Variants in SH3PXD2B observed in about 807,000 individuals in gnomAD.
The protein encoded by SH3PXD2B is SH3 and PX domain-containing protein 2B.
A neutral mutation model predicts 73.1 loss-of-function variants in SH3PXD2B; 37 were observed. The observed-to-expected ratio is 0.51, with a 90% confidence interval of 0.39 to 0.67. The LOEUF is 0.67. Ranked by LOEUF, SH3PXD2B falls within the 30% of genes least tolerant of loss-of-function variation. The probability of loss-of-function intolerance (pLI) is 0.00; values close to 1 mark genes in which losing one functional copy is unlikely to be tolerated. For synonymous variants in SH3PXD2B, 457 were observed against 480.5 expected, an observed-to-expected ratio of 0.95 and a Z score of 0.64; for missense variants, 1,053 against 1,197.8, an observed-to-expected ratio of 0.88 and a Z score of 1.78.
chr5:172,358,931 G>A (rs749873478), intron 7 of SH3PXD2B, 54 bp from the exon 8 acceptor site: 5 of 1,513,964 alleles, frequency 3.3e-6, no homozygotes, highest in African/African-American at 2.8e-5. Flanking sequence ...TGAGGCCGGG[G>A]GTCAGAACAT....
chr5:172,411,246 CTAACA>C (rs1758685139), intron 2 of SH3PXD2B, among the ~76,000 whole-genome samples: 1 of 152,014 alleles, frequency 6.6e-6, no homozygotes, highest in African/African-American at 2.4e-5. Flanking sequence ...TCTGTCCACC[CTAACA>C]TGACTATTTC....
chr5:172,417,916 G>A (rs79371636), intron 2 of SH3PXD2B, among the ~76,000 whole-genome samples: 90 of 152,142 alleles, frequency 5.9e-4, no homozygotes, highest in Non-Finnish European at 7.4e-4. Flanking sequence ...TCATCACCCC[G>A]AAAAGGTACC....
chr5:172,385,281 C>G (rs534798674), intron 4 of SH3PXD2B, among the ~76,000 whole-genome samples: 33 of 152,172 alleles, frequency 2.2e-4, no homozygotes, highest in Middle Eastern at 6.8e-3. Context: ...TGGCTTCCCC[C>G]CAAGACTACA....
chr5:172,362,107 G>C (rs1757416677), intron 7 of SH3PXD2B, among the ~76,000 whole-genome samples: 1 of 152,212 alleles, frequency 6.6e-6, no homozygotes, highest in Admixed American at 6.5e-5. Context: ...CTAAGCACAA[G>C]TTTAAGCACT....
intron 10 of SH3PXD2B, among the ~76,000 whole-genome samples, chr5:172,347,789 A>G (rs1411777496): frequency 6.6e-6 from 1 of 152,174 alleles, no homozygotes; most frequent in Admixed American, 6.5e-5. Flanking sequence ...ACATCTGTGA[A>G]GCTCTTGGCA....
chr5:172,330,255 C>A (rs1205772773), downstream of SH3PXD2B, among the ~76,000 whole-genome samples: 3 of 152,108 alleles, frequency 2.0e-5, no homozygotes. Flanking sequence ...TCCTTACAGA[C>A]AACTCCAAGG....
Position 172,336,556 on chromosome 5 carries a change from G to T in SH3PXD2B, c.*1813C>A. Reference sequence around the variant, plus strand: ...GATAGGGGGTGGAGCTGGGAGGCGCGGCAGAAGAGGGCTGTTCAAGCAAAA... The same window carrying T: ...GATAGGGGGTGGAGCTGGGAGGCGCTGCAGAAGAGGGCTGTTCAAGCAAAA... On this transcript the variant is annotated 3_prime_UTR_variant, in exon 13 of 13. Coordinates refer to ENST00000311601, the MANE Select transcript of SH3PXD2B (RefSeq NM_001017995.3). 3 of 986,094 alleles carry T rather than the reference G, an allele frequency of 3.0e-6. No homozygotes were observed. Among genetic ancestry groups the T allele is most frequent in the Non-Finnish European group, 3.6e-6 (3 of 830,058 alleles). 61.1% of individuals were successfully genotyped at this position (986,094 alleles called of 1,614,324 possible).
At chr5:172,435,883 G>C (rs1488789703) in intron 1 of SH3PXD2B, among the ~76,000 whole-genome samples, 1 of 152,200 alleles carries the variant, frequency 6.6e-6, no homozygotes, top group Non-Finnish European at 1.5e-5. Flanking sequence ...CCTTGCAGGG[G>C]CTGTGAGAAA....
At chr5:172,380,787 C>T (rs1303036978) in intron 5 of SH3PXD2B, among the ~76,000 whole-genome samples, 3 of 152,232 alleles carry the variant, frequency 2.0e-5, no homozygotes, top group Non-Finnish European at 4.4e-5. Flanking sequence ...TCCAAAACCA[C>T]GCACTTCTGT....
At chr5:172,368,453 T>TTATATATATATATATATATTA (rs773035950) in intron 6 of SH3PXD2B, among the ~76,000 whole-genome samples, 1 of 80,014 alleles carries the variant, frequency 1.2e-5, no homozygotes, top group Non-Finnish European at 2.3e-5. Flanking sequence ...CTAAGAATGC[T>TTATATATATATATATATATTA]TATATATATA....
chr5:172,363,260 C>T (rs1014660638), intron 6 of SH3PXD2B, among the ~76,000 whole-genome samples: 1 of 152,166 alleles, frequency 6.6e-6, no homozygotes, highest in African/African-American at 2.4e-5. Flanking sequence ...TCTATCCACT[C>T]ATGATATATC....
In SH3PXD2B at chr5:172,336,014, C is replaced by G. The variant is rs1455968501; in HGVS notation, c.*2355G>C. ...GCAGGGCAAGTCTGCTCCTACCCAG[C>G]TGACCCCCGGGAGGAAGGAATGAAG... On this transcript the variant is annotated 3_prime_UTR_variant, in exon 13 of 13. Coordinates refer to ENST00000311601, the MANE Select transcript of SH3PXD2B (RefSeq NM_001017995.3). The G allele has an allele frequency of 5.0e-6, 5 of 1,007,284 alleles. No individual in the cohort carries two copies. Among genetic ancestry groups the G allele is most frequent in the Non-Finnish European group, 4.7e-6 (4 of 844,930 alleles). 62.4% of individuals were successfully genotyped at this position (1,007,284 alleles called of 1,614,324 possible).
chr5:172,429,891 G>A (rs1458859443), intron 1 of SH3PXD2B, among the ~76,000 whole-genome samples: 2 of 152,180 alleles, frequency 1.3e-5, no homozygotes, highest in Admixed American at 6.5e-5. Context: ...GCAGGGAGAT[G>A]TCTGCTCACC....
intron 7 of SH3PXD2B, among the ~76,000 whole-genome samples, chr5:172,361,988 G>A (rs142856818): frequency 1.7e-3 from 263 of 152,304 alleles, no homozygotes; most frequent in African/African-American, 6.0e-3. Flanking sequence ...TCCCAGGGAG[G>A]ATCTGCTTAT....
chr5:172,451,477 T>C (rs1454774079), intron 1 of SH3PXD2B, among the ~76,000 whole-genome samples: 1 of 152,098 alleles, frequency 6.6e-6, no homozygotes, highest in African/African-American at 2.4e-5. Context: ...CCAGGGAAGC[T>C]GCTAAACATC....
Position 172,333,878 on chromosome 5 carries a change from G to A in SH3PXD2B, c.*4491C>T. The A allele has an allele frequency of 7.8e-7, 1 of 1,275,176 alleles. No individual in the cohort carries two copies. The highest frequency in any genetic ancestry group is 1.3e-5 in the South Asian group (1 of 78,182). The allele number at this position is 1,275,176 out of a possible 1,614,324, so 79.0% of individuals were successfully genotyped here. A position where few individuals can be genotyped will look rare whatever the true frequency, so the allele number is the denominator to read the frequency against. On this transcript the variant is annotated 3_prime_UTR_variant, in exon 13 of 13. Coordinates refer to ENST00000311601, the MANE Select transcript of SH3PXD2B (RefSeq NM_001017995.3). ...ATCATCACCCCTCTAAGTGAAAGGG[G>A]CGCTAACAATAATTACACGGGCACA...
In SH3PXD2B at chr5:172,337,800, G is replaced by C; in HGVS notation, c.*569C>G. ...CCAGTGGAACCTCAGAGGCCCACGG[G>C]CCTGAGGCTTTGGGGAAGGGGACAC... On this transcript the variant is annotated 3_prime_UTR_variant, in exon 13 of 13. Coordinates refer to ENST00000311601, the MANE Select transcript of SH3PXD2B (RefSeq NM_001017995.3). The C allele has an allele frequency of 2.0e-6, 2 of 999,746 alleles. No homozygotes were observed. The highest frequency in any genetic ancestry group is 2.4e-6 in the Non-Finnish European group (2 of 838,070). 61.9% of individuals were successfully genotyped at this position (999,746 alleles called of 1,614,324 possible). A position where few individuals can be genotyped will look rare whatever the true frequency, so the allele number is the denominator to read the frequency against.
chr5:172,397,084 G>A (rs72494524), intron 3 of SH3PXD2B, among the ~76,000 whole-genome samples: 17,580 of 152,226 alleles, frequency 0.12, 1,117 homozygotes, highest in South Asian at 0.24. Flanking sequence ...AAATATTGCT[G>A]AATTCTTTTT....
chr5:172,329,031 ACG>A (rs1416809124), downstream of SH3PXD2B, among the ~76,000 whole-genome samples: 5 of 81,700 alleles, frequency 6.1e-5, no homozygotes, highest in South Asian at 1.8e-3. Flanking sequence ...ATATACATAT[ACG>A]TATATATATG....
Sources: allele counts gnomAD v4.1 joint callset (sites outside exome capture counted in the v4.1 genomes callset), GRCh38; gene constraint gnomAD v4.1.1; transcripts MANE v1.5; gene names NCBI Gene and HGNC (gene_info 2026-07-23, HGNC 2026-07-21).